Variants in BNIP3 observed in about 807,000 individuals in gnomAD.
The protein encoded by BNIP3 is BCL2/adenovirus E1B 19 kDa protein-interacting protein 3.
Under a neutral mutation model 23.9 loss-of-function variants are expected in BNIP3, and 16 were observed. The ratio of observed to expected loss-of-function variants is 0.67; its 90% confidence interval spans 0.45 to 1.01. The LOEUF (loss-of-function observed/expected upper bound fraction) is 1.01, where lower values mean the gene tolerates loss of function less well. Among genes scored for constraint, BNIP3 ranks in the 50% least tolerant of loss-of-function variants. BNIP3 has a pLI of 0.00. For synonymous variants in BNIP3, 81 were observed against 89.3 expected (o/e 0.91, Z 0.53); for missense variants, 198 against 248.7 (o/e 0.80, Z 1.37).
intron 1 of BNIP3, among the ~76,000 whole-genome samples, chr10:131,975,076 C>A (rs1182725060): frequency 6.6e-6 from 1 of 152,204 alleles, no homozygotes; most frequent in African/African-American, 2.4e-5. Flanking sequence ...ATGCAGCAAT[C>A]CCTTCCTGAG....
Position 131,976,866 on chromosome 10 carries a change from A to C in BNIP3, c.47-2923T>G, listed in dbSNP as rs1210445397. Among the ~76,000 whole-genome samples the C allele has an allele frequency of 6.6e-6, 1 of 152,242 alleles. No homozygotes were observed. The highest frequency in any genetic ancestry group is 1.9e-4 in the East Asian group (1 of 5,196). On this transcript the variant is annotated intron_variant, in intron 1 of 5. Transcript: ENST00000368636. This position sits in a 1 kb window ranked among gnomAD's most constrained non-coding sequence, Gnocchi z 4.3. ...CACCAAAAATGGTTAACCAAGGAGC[A>C]CTTTTGGAGTACACTGCTAATAGGG...
chr10:131,980,623 GTATATA>G (rs560049828), intron 1 of BNIP3: 2 of 147,942 alleles, frequency 1.4e-5, no homozygotes. Context: ...GTGTTCATAT[GTATATA>G]TATATATTAT....
At chr10:131,975,618 G>T (rs903756475) in intron 1 of BNIP3, among the ~76,000 whole-genome samples, 15 of 152,150 alleles carry the variant, frequency 9.9e-5, no homozygotes, top group African/African-American at 3.4e-4. Flanking sequence ...CCACACACAC[G>T]AGGCATCTCT....
At chr10:131,973,215 G>T in intron 2 of BNIP3, 97 bp from the exon 3 acceptor site, 1 of 1,250,624 alleles carries the variant, frequency 8.0e-7, no homozygotes, top group Non-Finnish European at 1.2e-6. Flanking sequence ...CCTCCGTGAT[G>T]AGGGGCTCTA....
In BNIP3 at chr10:131,981,920, G is replaced by C. The variant is rs1032549825; in HGVS notation, c.-114C>G. The stretch of plus-strand genomic sequence containing the variant: ...GCGCCGCGGCCCAGCTGCGCTCCCG[G>C]ACTGAGCGGAGCCCCGCAGCCCGGC... On this transcript the variant is annotated 5_prime_UTR_variant, in exon 1 of 6. Coordinates refer to ENST00000368636, the MANE Select transcript of BNIP3 (RefSeq NM_004052.4). The C allele has an allele frequency of 1.7e-5, 21 of 1,238,120 alleles. No individual in the cohort carries two copies. Among genetic ancestry groups the C allele is most frequent in the Non-Finnish European group, 2.2e-5 (21 of 959,026 alleles). The allele number at this position is 1,238,120 out of a possible 1,614,324, so 76.7% of individuals were successfully genotyped here.
chr10:131,971,659 AAAAG>A (rs1219940798), intron 3 of BNIP3: 1 of 152,344 alleles, frequency 6.6e-6, no homozygotes, highest in Non-Finnish European at 1.5e-5. Context: ...GTCTCAAAAA[AAAAG>A]AAATAAAATT....
chr10:131,974,988 A>T (rs898647763), intron 1 of BNIP3, among the ~76,000 whole-genome samples: 2 of 152,230 alleles, frequency 1.3e-5, no homozygotes, highest in Admixed American at 6.5e-5. Flanking sequence ...TGTTGCAAGT[A>T]ACTTTCCCTC....
At chr10:131,971,040 C>T in intron 3 of BNIP3, 70 bp from the exon 4 acceptor site, 4 of 1,416,448 alleles carry the variant, frequency 2.8e-6, no homozygotes, top group South Asian at 1.2e-5. Context: ...CCAGCTCCCA[C>T]CCGAGCTTCA....
intron 2 of BNIP3, 134 bp from the exon 3 acceptor site, chr10:131,973,252 C>G (rs1448518032): frequency 1.2e-6 from 1 of 830,260 alleles, no homozygotes; most frequent in Non-Finnish European, 1.9e-6. Flanking sequence ...GTCTTCCCTT[C>G]CACCCAGCAC....
intron 3 of BNIP3, 36 bp from the exon 4 acceptor site, chr10:131,971,006 A>ACC: frequency 6.3e-7 from 1 of 1,587,146 alleles, no homozygotes; most frequent in Non-Finnish European, 8.6e-7. Context: ...AGATCAGTGT[A>ACC]CCACACGTGA....
At chr10:131,972,993 C>A (rs1328153802) in intron 3 of BNIP3, 41 bp downstream of exon 3, 1 of 1,578,246 alleles carries the variant, frequency 6.3e-7, no homozygotes, top group Non-Finnish European at 8.7e-7. Flanking sequence ...ACAAACAGAT[C>A]ACAAATACTT....
At chr10:131,973,969 A>C (rs2037061639) in intron 1 of BNIP3, 26 bp from the exon 2 acceptor site, 1 of 1,612,966 alleles carries the variant, frequency 6.2e-7, no homozygotes, top group Non-Finnish European at 8.5e-7. Flanking sequence ...AAAGGGGCGC[A>C]GATGGAATTC....
intron 1 of BNIP3, 69 bp downstream of exon 1, chr10:131,981,692 G>T: frequency 8.8e-7 from 1 of 1,135,284 alleles, no homozygotes. Context: ...TCCCCTTGGC[G>T]CCCTCTTGGC....
Position 131,970,384 on chromosome 10 carries a change from C to G in BNIP3, c.539+254G>C. The G allele has an allele frequency of 1.8e-6, 1 of 553,008 alleles. No individual in the cohort carries two copies. The highest frequency in any genetic ancestry group is 2.2e-5 in the South Asian group (1 of 46,204). 34.3% of individuals were successfully genotyped at this position (553,008 alleles called of 1,614,324 possible). Reference sequence around the variant, plus strand: ...GACCTAAGAAGCCCTGCTTTGACTCCGTTTATATTCAGTGAGCAACAGGCA... The same window carrying G: ...GACCTAAGAAGCCCTGCTTTGACTCGGTTTATATTCAGTGAGCAACAGGCA... On this transcript the variant is annotated intron_variant, in intron 5 of 5. Coordinates refer to ENST00000368636, the MANE Select transcript of BNIP3 (RefSeq NM_004052.4). The surrounding 1 kb of genome is among the most constrained non-coding windows in gnomAD (Gnocchi z 4.1).
intron 5 of BNIP3, chr10:131,968,802 A>T (rs1437277363): frequency 2.5e-6 from 1 of 398,412 alleles, no homozygotes; most frequent in Non-Finnish European, 4.7e-6. Flanking sequence ...CTTACATAGA[A>T]GGATCACCAA....
At position 131,968,712 on chromosome 10, in the gene BNIP3, AATCT is replaced by A. The variant is rs3838750; in HGVS notation, c.540-147_540-144del. On this transcript the variant is annotated intron_variant, in intron 5 of 5. Transcript: ENST00000368636. ...TACCCATTATAAAAATTTTGTAATG[AATCT>A]ATCTGTGATCTTTTATCTAGTGTTT... 146 of 617,932 alleles carry A rather than the reference AATCT, an allele frequency of 2.4e-4. 1 individual carries two copies. In the East Asian group the frequency reaches 3.8e-3, roughly 16 times the overall value. 38.3% of individuals were successfully genotyped at this position (617,932 alleles called of 1,614,324 possible).
At chr10:131,981,307 A>G (rs1040284291) in intron 1 of BNIP3, 3 of 182,058 alleles carry the variant, frequency 1.6e-5, no homozygotes, top group African/African-American at 7.3e-5. Flanking sequence ...GGATATAAAC[A>G]TTAATAACAA....
At chr10:131,977,003 C>T (rs571372632) in intron 1 of BNIP3, among the ~76,000 whole-genome samples, 1 of 152,178 alleles carries the variant, frequency 6.6e-6, no homozygotes, top group Non-Finnish European at 1.5e-5. Flanking sequence ...ATTGGCACAG[C>T]GGTTCATGCC....
At chr10:131,972,763 TCCCTGATGGCAGG>T (rs970669415) in intron 3 of BNIP3, among the ~76,000 whole-genome samples, 25 of 152,316 alleles carry the variant, frequency 1.6e-4, no homozygotes, top group African/African-American at 5.8e-4. Flanking sequence ...TTCCGGTGTA[TCCCTGATGGCAGG>T]CAGGGAGGGA....
Sources: allele counts gnomAD v4.1 joint callset (sites outside exome capture counted in the v4.1 genomes callset), GRCh38; gene constraint gnomAD v4.1.1; non-coding constraint Gnocchi (gnomAD v3.1); transcripts MANE v1.5; gene names NCBI Gene and HGNC (gene_info 2026-07-23, HGNC 2026-07-21).